The following CEP44 variants were observed in gnomAD, a reference collection of about 807,000 sequenced individuals.
CEP44 encodes the protein centrosomal protein of 44 kDa.
Under a neutral mutation model 46.7 loss-of-function variants are expected in CEP44, and 45 were observed. That is an observed-to-expected ratio of 0.96 (90% confidence interval 0.76 to 1.24). The LOEUF (loss-of-function observed/expected upper bound fraction) is 1.24. Among genes scored for constraint, CEP44 ranks in the 50% most tolerant of loss-of-function variants. The probability of loss-of-function intolerance (pLI) is 0.00; values close to 1 mark genes in which losing one functional copy is unlikely to be tolerated. For synonymous variants in CEP44, 142 were observed against 146.0 expected, an observed-to-expected ratio of 0.97 and a Z score of 0.20; for missense variants, 475 against 459.7, an observed-to-expected ratio of 1.03 and a Z score of -0.30.
intron 11 of CEP44, among the ~76,000 whole-genome samples, chr4:174,316,997 G>T (rs1741805589): frequency 6.6e-6 from 1 of 151,734 alleles, no homozygotes; most frequent in Admixed American, 6.6e-5. Flanking sequence ...TGATGTTTTT[G>T]TCTAGTACAA....
At chr4:174,299,358 G>A in intron 3 of CEP44, 148 bp downstream of exon 3, 8 of 568,654 alleles carry the variant, frequency 1.4e-5, no homozygotes, top group South Asian at 3.0e-5. Context: ...GAGAAAGCAG[G>A]GAATTATAGG....
intron 11 of CEP44, 67 bp from the exon 12 acceptor site, chr4:174,317,268 A>G (rs2126670990): frequency 3.1e-6 from 2 of 646,760 alleles, no homozygotes; most frequent in Non-Finnish European, 4.7e-6. Flanking sequence ...CATAATTTCA[A>G]CAACTAAAAT....
rs1354030681 is a variant in CEP44 at position 174,317,957 on chromosome 4, T to G, written c.*574T>G. 5 of 985,290 alleles carry G rather than the reference T, an allele frequency of 5.1e-6. No individual in the cohort carries two copies. The African/African-American group carries it at 8.7e-5, about 17-fold the overall frequency. 61.0% of individuals were successfully genotyped at this position (985,290 alleles called of 1,614,324 possible). ...TAAGGTTAAGATTCTCCTTTTGTAC[T>G]GGGAAACAGGCTGGAGGACTATGGT... On this transcript the variant is annotated 3_prime_UTR_variant, in exon 12 of 12. Transcript: ENST00000503780.
chr4:174,291,066 T>C (rs1482728876), intron 1 of CEP44, among the ~76,000 whole-genome samples: 6 of 152,194 alleles, frequency 3.9e-5, no homozygotes, highest in Admixed American at 3.9e-4. Flanking sequence ...AGATAGCGTA[T>C]AGTTGAGTGT....
At position 174,318,162 on chromosome 4, in the gene CEP44, C is replaced by T. The variant is rs1390230053; in HGVS notation, c.*779C>T. 2 of 779,842 alleles carry T rather than the reference C, an allele frequency of 2.6e-6. No individual in the cohort carries two copies. The highest frequency in any genetic ancestry group is 1.3e-4 in the East Asian group (1 of 7,842). The allele number at this position is 779,842 out of a possible 1,614,324, so 48.3% of individuals were successfully genotyped here. On this transcript the variant is annotated 3_prime_UTR_variant, in exon 12 of 12. Transcript: ENST00000503780. ...CACCGCAACCTCTGCCTACCGGGTT[C>T]AAGTGATTCTTGTGCCTCAGCCTCC...
Position 174,319,059 on chromosome 4 carries a change from TG to T in CEP44, c.*1678del. ...CGTGAGCTAAAGCTACTCGCCCACC[TG>T]GATGTCCCAAAGTGCTAGATTCCAT... is the stretch of plus-strand genomic sequence containing the variant. On this transcript the variant is annotated 3_prime_UTR_variant, in exon 12 of 12. Coordinates refer to ENST00000503780, the MANE Select transcript of CEP44 (RefSeq NM_001040157.3). 1.3e-6 allele frequency: 1 copy of T among 765,192 alleles called. No individual in the cohort carries two copies. The highest frequency in any genetic ancestry group is 1.6e-6 in the Non-Finnish European group (1 of 629,484). The allele number at this position is 765,192 out of a possible 1,614,324, so 47.4% of individuals were successfully genotyped here.
Position 174,326,342 on chromosome 4 carries a change from T to G in CEP44, c.1087-5140T>G, listed in dbSNP as rs956078669. Reference sequence around the variant, plus strand: ...ACTACTCATTTTTCAGTATATATATTTAACTTAATATAGGCTACCTTCAAA... The same window carrying G: ...ACTACTCATTTTTCAGTATATATATGTAACTTAATATAGGCTACCTTCAAA... On this transcript the variant is annotated intron_variant, in intron 8 of 8. Transcript: ENST00000426172. This position sits in a 1 kb window ranked among gnomAD's most constrained non-coding sequence, Gnocchi z 4.8. 2.6e-5 allele frequency among the ~76,000 whole-genome samples: 4 copies of G among 151,376 alleles called. No individual in the cohort carries two copies. The highest frequency in any genetic ancestry group is 5.9e-5 in the Non-Finnish European group (4 of 67,904).
At chr4:174,295,104 CG>C (rs1191862302) in intron 1 of CEP44, among the ~76,000 whole-genome samples, 1 of 150,068 alleles carries the variant, frequency 6.7e-6, no homozygotes, top group Non-Finnish European at 1.5e-5. Flanking sequence ...CCCTCCCGGA[CG>C]GGGCGGCTGG....
chr4:174,303,686 GTC>G lies in CEP44; in HGVS notation c.238-15_238-14del. 2 of 1,480,838 alleles carry G rather than the reference GTC, an allele frequency of 1.4e-6. No individual in the cohort carries two copies. Among genetic ancestry groups the G allele is most frequent in the Non-Finnish European group, 1.8e-6 (2 of 1,086,400 alleles). 91.7% of individuals were successfully genotyped at this position (1,480,838 alleles called of 1,614,324 possible). The stretch of plus-strand genomic sequence containing the variant: ...TAAATTGCTCCCAATTATTACAAGA[GTC>G]TGTTTCCTCTGCAGCTTCTTCGTGA... On this transcript the variant is annotated splice_polypyrimidine_tract_variant and intron_variant, in intron 4 of 11. Coordinates refer to ENST00000503780, the MANE Select transcript of CEP44 (RefSeq NM_001040157.3).
chr4:174,323,062 A>G (rs1383113997), downstream of CEP44, among the ~76,000 whole-genome samples: 4 of 149,204 alleles, frequency 2.7e-5, no homozygotes, highest in South Asian at 2.1e-4. Context: ...AGAGAAAATG[A>G]TATTTCTGTT....
At position 174,329,725 on chromosome 4, in the gene CEP44, T is replaced by A. The variant is rs952910117; in HGVS notation, c.1087-1757T>A. ...TGTTTGGATTATGTTCTTCTCTAAT[T>A]TAGTTAAAAAAATATTAATGAATAT... is the stretch of plus-strand genomic sequence containing the variant. On this transcript the variant is annotated intron_variant, in intron 8 of 8. Transcript: ENST00000426172. The surrounding 1 kb of genome is among the most constrained non-coding windows in gnomAD (Gnocchi z 4.0). 6.6e-6 allele frequency among the ~76,000 whole-genome samples: 1 copy of A among 152,102 alleles called. No individual in the cohort carries two copies. Among genetic ancestry groups the A allele is most frequent in the African/African-American group, 2.4e-5 (1 of 41,432 alleles).
rs1261263189 is a variant in CEP44 at position 174,290,858 on chromosome 4, T to C, written c.-148+6915T>C. Among the ~76,000 whole-genome samples, 1 of 152,250 alleles carries C rather than the reference T, an allele frequency of 6.6e-6. No individual in the cohort carries two copies. Among genetic ancestry groups the C allele is most frequent in the Admixed American group, 6.5e-5 (1 of 15,288 alleles). On this transcript the variant is annotated intron_variant, in intron 1 of 11. Transcript: ENST00000503780. This position sits in a 1 kb window ranked among gnomAD's most constrained non-coding sequence, Gnocchi z 4.3. ...TGGGTGCATATGTATTTTTAGTTGT[T>C]GTATCTTTCTATTGAATTGACCCTT... is the stretch of plus-strand genomic sequence containing the variant.
At chr4:174,324,310 A>G (rs553112033), downstream of CEP44, among the ~76,000 whole-genome samples, 1 of 152,138 alleles carries the variant, frequency 6.6e-6, no homozygotes, top group South Asian at 2.1e-4. Context: ...ACATTGTGAT[A>G]TGTCCAGTTT....
chr4:174,305,027 A>G (rs1740219336), intron 6 of CEP44, among the ~76,000 whole-genome samples: 1 of 152,238 alleles, frequency 6.6e-6, no homozygotes, highest in Admixed American at 6.5e-5. Context: ...ATTGAATGAT[A>G]GAATATCAGA....
chr4:174,324,889 T>A (rs1398393349), downstream of CEP44, among the ~76,000 whole-genome samples: 2 of 152,162 alleles, frequency 1.3e-5, no homozygotes, highest in African/African-American at 4.8e-5. Context: ...CTGTTCTCTG[T>A]TCCCAAATTC....
rs949861395 is a variant in CEP44 at position 174,318,834 on chromosome 4, G to A, written c.*1451G>A. 21 of 604,256 alleles carry A rather than the reference G, an allele frequency of 3.5e-5. No individual in the cohort carries two copies. Among genetic ancestry groups the A allele is most frequent in the Non-Finnish European group, 4.3e-5 (21 of 485,130 alleles). The allele number at this position is 604,256 out of a possible 1,614,324, so 37.4% of individuals were successfully genotyped here. A position where few individuals can be genotyped will look rare whatever the true frequency, so the allele number is the denominator to read the frequency against. On this transcript the variant is annotated 3_prime_UTR_variant, in exon 12 of 12. Transcript: ENST00000503780. ...TTTTTTTTTTTTTCTTTTTGAAACA[G>A]GGTCTCACTCTATTGCCCAGGCTGG...
rs1366871806 is a variant in CEP44, at chr4:174,318,542, A to G, written c.*1159A>G. Reference sequence around the variant, plus strand: ...ATTATCTTTTTTTAAACTTGTAGATAAAAGTGTTCCAGTAATCAGAAAATC... The same window carrying G: ...ATTATCTTTTTTTAAACTTGTAGATGAAAGTGTTCCAGTAATCAGAAAATC... On this transcript the variant is annotated 3_prime_UTR_variant, in exon 12 of 12. Coordinates refer to ENST00000503780, the MANE Select transcript of CEP44 (RefSeq NM_001040157.3). The G allele has an allele frequency of 1.0e-5, 9 of 871,908 alleles. No individual in the cohort carries two copies. Among genetic ancestry groups the G allele is most frequent in the African/African-American group, 1.8e-5 (1 of 55,080 alleles). The allele number at this position is 871,908 out of a possible 1,614,324, so 54.0% of individuals were successfully genotyped here.
Position 174,328,959 on chromosome 4 carries a change from T to C in CEP44, c.1087-2523T>C, listed in dbSNP as rs1318796326. Reference sequence around the variant, plus strand: ...GCAATACTTTTCCTTTTCTTTTTTTTCTTTTAAGACAGAGTCTTTTTCTGT... The same window carrying C: ...GCAATACTTTTCCTTTTCTTTTTTTCCTTTTAAGACAGAGTCTTTTTCTGT... On this transcript the variant is annotated intron_variant, in intron 8 of 8. Transcript: ENST00000426172. 2.6e-5 allele frequency among the ~76,000 whole-genome samples: 4 copies of C among 152,084 alleles called. No individual in the cohort carries two copies. In the East Asian group the frequency reaches 7.7e-4, roughly 29 times the overall value.
intron 6 of CEP44, among the ~76,000 whole-genome samples, chr4:174,306,573 A>G (rs1740425910): frequency 6.6e-6 from 1 of 152,132 alleles, no homozygotes; most frequent in African/African-American, 2.4e-5. Flanking sequence ...CAATTTTATC[A>G]TCACACATAA....
Sources: gnomAD v4.1 joint callset for allele counts (sites outside exome capture counted in the v4.1 genomes callset) on GRCh38, gnomAD v4.1.1 for gene constraint, Gnocchi (gnomAD v3.1) non-coding constraint, MANE v1.5 for transcripts, NCBI Gene and HGNC (gene_info 2026-07-23, HGNC 2026-07-21) for gene names.